The following KDM4B variants were observed in gnomAD, a reference collection of about 807,000 sequenced individuals.
KDM4B encodes lysine-specific demethylase 4B.
KDM4B carries 32 observed loss-of-function variants against 125.2 expected under a neutral mutation model. That is an observed-to-expected ratio of 0.26 (90% CI 0.19 to 0.34). The LOEUF is 0.34. Ranked by LOEUF, KDM4B falls within the 10% of genes least tolerant of loss-of-function variation. The pLI, the probability that KDM4B is intolerant of heterozygous loss-of-function variation, is 1.00. For synonymous variants in KDM4B, 721 were observed against 677.9 expected (o/e 1.06, Z -0.99); for missense variants, 1,190 against 1,577.7 (o/e 0.75, Z 4.16).
At chr19:5,089,419 G>T (rs1455090511) in intron 9 of KDM4B, among the ~76,000 whole-genome samples, 1 of 152,182 alleles carries the variant, frequency 6.6e-6, no homozygotes, top group Non-Finnish European at 1.5e-5. Flanking sequence ...CCAGGGGATG[G>T]GTTGAACCAG....
chr19:5,052,185 G>A (rs1191098481), intron 6 of KDM4B, among the ~76,000 whole-genome samples: 5 of 152,238 alleles, frequency 3.3e-5, no homozygotes, highest in Admixed American at 1.3e-4. Flanking sequence ...TCTCTCTGGC[G>A]TTTTCCCTCA....
intron 10 of KDM4B, chr19:5,111,255 TCG>T (rs2039138414): frequency 1.5e-6 from 1 of 658,766 alleles, no homozygotes. Flanking sequence ...CTGAGAGCAG[TCG>T]GGTTCCCTGC....
intron 6 of KDM4B, among the ~76,000 whole-genome samples, chr19:5,065,367 A>C (rs1180514618): frequency 6.6e-6 from 1 of 152,228 alleles, no homozygotes; most frequent in Non-Finnish European, 1.5e-5. Flanking sequence ...CACTCATTTA[A>C]TTTTTAACTC....
chr19:5,047,930 G>A (rs1417306283), intron 6 of KDM4B, among the ~76,000 whole-genome samples: 2 of 152,202 alleles, frequency 1.3e-5, no homozygotes, highest in African/African-American at 4.8e-5. Flanking sequence ...ATTGAGCTGT[G>A]AGCGGCCCCA....
At position 5,141,596 on chromosome 19, in the gene KDM4B, A is replaced by C. The variant is rs2039744603; in HGVS notation, c.2551-2371A>C. On this transcript the variant is annotated intron_variant, in intron 18 of 22. Transcript: ENST00000159111. This position sits in a 1 kb window ranked among gnomAD's most constrained non-coding sequence, Gnocchi z 6.4. ...CCAGCCACCTTCGCGGGCCACGGGC[A>C]GGCTGCAGGCATGGGGCACTCACTC... 1.3e-5 allele frequency: 2 copies of C among 152,250 alleles called. No homozygotes were observed. 9.4% of individuals were successfully genotyped at this position (152,250 alleles called of 1,614,324 possible). A position where few individuals can be genotyped will look rare whatever the true frequency, so the allele number is the denominator to read the frequency against.
intron 21 of KDM4B, among the ~76,000 whole-genome samples, chr19:5,145,116 C>T (rs1207719539): frequency 6.6e-6 from 1 of 152,160 alleles, no homozygotes; most frequent in Non-Finnish European, 1.5e-5. Flanking sequence ...GCTAAAGGGG[C>T]CTCCACTCGG....
At position 5,041,118 on chromosome 19, in the gene KDM4B, T is replaced by G. The variant is rs760274961; in HGVS notation, c.318-19T>G. 1.9e-6 allele frequency: 3 copies of G among 1,560,216 alleles called. No homozygotes were observed. Among genetic ancestry groups the G allele is most frequent in the Admixed American group, 3.4e-5 (2 of 59,614 alleles). On this transcript the variant is annotated intron_variant, in intron 4 of 22. Transcript: ENST00000159111. ...CCCAGGCCTCACCCTGAGCTGGTTT[T>G]GGGGTGTTTGTTCACCAGGTACTGT...
At chr19:5,113,974 C>T (rs2039203899) in intron 10 of KDM4B, 2 of 1,241,670 alleles carry the variant, frequency 1.6e-6, no homozygotes. Context: ...ACATGGGTCT[C>T]TTCCAGAACT....
At chr19:5,084,964 G>A (rs1266654126) in intron 9 of KDM4B, among the ~76,000 whole-genome samples, 3 of 150,018 alleles carry the variant, frequency 2.0e-5, no homozygotes, top group Admixed American at 6.7e-5. Flanking sequence ...CCTCGGCCTC[G>A]AAAAGTGCTG....
rs2036510539 is a variant in KDM4B, at chr19:5,033,098, G to T, written c.141+67G>T. On this transcript the variant is annotated intron_variant, in intron 3 of 22. Transcript: ENST00000159111. ...GCGCCGCGGGCCTGCGGACATCCTG[G>T]GTCCCAGCTCAGCCAGCCCCACAGG... The T allele has an allele frequency of 1.9e-6, 3 of 1,569,312 alleles. No homozygotes were observed. In the African/African-American group the frequency reaches 4.1e-5, roughly 21 times the overall value.
rs2039222067 is a variant in KDM4B at position 5,114,719 on chromosome 19, T to A, written c.1115+3901T>A. Among the ~76,000 whole-genome samples the A allele has an allele frequency of 6.6e-6, 1 of 152,104 alleles. No homozygotes were observed. The highest frequency in any genetic ancestry group is 2.4e-5 in the African/African-American group (1 of 41,428). On this transcript the variant is annotated intron_variant, in intron 10 of 22. Coordinates refer to ENST00000159111, the MANE Select transcript of KDM4B (RefSeq NM_015015.3). This position sits in a 1 kb window ranked among gnomAD's most constrained non-coding sequence, Gnocchi z 5.8. Reference sequence around the variant, plus strand: ...GCTCAGCCTGGGGCCAGCCTCCCAGTCCTCCCCACCTTGTGAGAAGCCCTG... The same window carrying A: ...GCTCAGCCTGGGGCCAGCCTCCCAGACCTCCCCACCTTGTGAGAAGCCCTG...
intron 21 of KDM4B, 94 bp from the exon 22 acceptor site, chr19:5,150,264 G>C: frequency 1.9e-6 from 2 of 1,034,280 alleles, no homozygotes; most frequent in Non-Finnish European, 2.9e-6. Context: ...ATGCACCCAA[G>C]GGGGCTGGCC....
intron 6 of KDM4B, among the ~76,000 whole-genome samples, chr19:5,066,493 A>G (rs1427429014): frequency 6.6e-6 from 1 of 152,124 alleles, no homozygotes; most frequent in African/African-American, 2.4e-5. Context: ...TTTGTTTGTT[A>G]ACCATCATGT....
At chr19:5,107,401 C>T (rs759373063) in intron 9 of KDM4B, among the ~76,000 whole-genome samples, 2 of 152,214 alleles carry the variant, frequency 1.3e-5, no homozygotes, top group African/African-American at 2.4e-5. Context: ...GGAATTGGAG[C>T]GGGCGGGGCC....
At chr19:4,973,756 A>C (rs1022673739) in intron 1 of KDM4B, among the ~76,000 whole-genome samples, 1 of 151,430 alleles carries the variant, frequency 6.6e-6, no homozygotes, top group Non-Finnish European at 1.5e-5. Flanking sequence ...GGCGGGGAAC[A>C]TGGGAAGTCT....
At chr19:5,020,805 C>T (rs950161002) in intron 2 of KDM4B, among the ~76,000 whole-genome samples, 8 of 152,214 alleles carry the variant, frequency 5.3e-5, no homozygotes, top group African/African-American at 1.7e-4. Context: ...GAACACTTCG[C>T]TTTCTGTCTG....
intron 6 of KDM4B, among the ~76,000 whole-genome samples, chr19:5,051,968 CT>C (rs2037240489): frequency 6.6e-6 from 1 of 152,040 alleles, no homozygotes; most frequent in Admixed American, 6.5e-5. Flanking sequence ...GGTCTCGGAG[CT>C]TGTGCTCCCG....
At chr19:5,107,618 C>G (rs2039060021) in intron 9 of KDM4B, among the ~76,000 whole-genome samples, 2 of 152,234 alleles carry the variant, frequency 1.3e-5, no homozygotes, top group Admixed American at 1.3e-4. Context: ...CACAGAAGTC[C>G]TCATGGGCCT....
At chr19:5,063,005 T>A (rs1471840298) in intron 6 of KDM4B, among the ~76,000 whole-genome samples, 1 of 151,760 alleles carries the variant, frequency 6.6e-6, no homozygotes, top group African/African-American at 2.4e-5. Context: ...GGTAAACCCT[T>A]TGTCTTTTTC....
Sources: allele counts gnomAD v4.1 joint callset (sites outside exome capture counted in the v4.1 genomes callset), GRCh38; gene constraint gnomAD v4.1.1; non-coding constraint Gnocchi (gnomAD v3.1); transcripts MANE v1.5; gene names NCBI Gene and HGNC (gene_info 2026-07-23, HGNC 2026-07-21).